WIF1: variants seen among roughly 807,000 people sequenced by gnomAD.
The protein encoded by WIF1 is Wnt inhibitory factor 1.
In WIF1, 35 loss-of-function variants were observed where a neutral mutation model predicts 53.5. That is an observed-to-expected ratio of 0.65 (90% CI 0.50 to 0.87). WIF1 has a LOEUF of 0.87. WIF1 is among the 40% of genes least tolerant of loss of function. The pLI is 0.00. For synonymous variants in WIF1, 171 were observed against 170.4 expected (o/e 1.00, Z -0.03); for missense variants, 467 against 476.8 (o/e 0.98, Z 0.19).
intron 2 of WIF1, among the ~76,000 whole-genome samples, chr12:65,079,965 G>C (rs1882923330): frequency 6.6e-6 from 1 of 152,038 alleles, no homozygotes; most frequent in Admixed American, 6.6e-5. Flanking sequence ...GACCCTACAA[G>C]CAATATAAAA....
intron 2 of WIF1, among the ~76,000 whole-genome samples, chr12:65,114,297 A>G (rs1345080366): frequency 2.0e-5 from 3 of 152,204 alleles, no homozygotes; most frequent in Admixed American, 2.0e-4. Flanking sequence ...TAATGGGACC[A>G]GTGTTACATC....
chr12:65,083,250 G>GA (rs1027017108), intron 2 of WIF1, among the ~76,000 whole-genome samples: 1 of 152,068 alleles, frequency 6.6e-6, no homozygotes, highest in African/African-American at 2.4e-5. Context: ...TGAAGGGCCA[G>GA]AAAAAATCTA....
intron 6 of WIF1, among the ~76,000 whole-genome samples, chr12:65,065,818 T>C (rs1882679159): frequency 6.6e-6 from 1 of 152,024 alleles, no homozygotes; most frequent in African/African-American, 2.4e-5. Context: ...CTGGGCAAAA[T>C]AAACAAGTCT....
At chr12:65,071,002 G>A (rs1203754870) in intron 3 of WIF1, among the ~76,000 whole-genome samples, 1 of 151,914 alleles carries the variant, frequency 6.6e-6, no homozygotes, top group Non-Finnish European at 1.5e-5. Flanking sequence ...TTGGGAGGCC[G>A]AGGCGGGTGC....
intron 2 of WIF1, among the ~76,000 whole-genome samples, chr12:65,108,457 A>C (rs1455595139): frequency 1.3e-5 from 2 of 152,216 alleles, no homozygotes; most frequent in African/African-American, 4.8e-5. Context: ...ATATGTATCC[A>C]GGAATTTCCA....
intron 2 of WIF1, among the ~76,000 whole-genome samples, chr12:65,100,446 T>TTTGGAGGA (rs1219304350): frequency 6.6e-6 from 1 of 152,066 alleles, no homozygotes. Context: ...GAAAGCTTCA[T>TTTGGAGGA]TTGGAGGATT....
intron 8 of WIF1, 117 bp downstream of exon 8, chr12:65,055,914 G>A (rs1592386116): frequency 1.2e-6 from 1 of 836,908 alleles, no homozygotes; most frequent in Non-Finnish European, 1.8e-6. Context: ...TGTCAGTGAA[G>A]AAAGGTTAAC....
intron 2 of WIF1, among the ~76,000 whole-genome samples, chr12:65,113,560 A>C (rs2136295145): frequency 6.6e-6 from 1 of 152,216 alleles, no homozygotes; most frequent in African/African-American, 2.4e-5. Flanking sequence ...GATGTGGCTT[A>C]CAAGGTACCT....
intron 4 of WIF1, among the ~76,000 whole-genome samples, chr12:65,068,144 T>C (rs1346371767): frequency 6.6e-6 from 1 of 152,094 alleles, no homozygotes; most frequent in Non-Finnish European, 1.5e-5. Context: ...AGATGACTTA[T>C]GGGTACATCT....
chr12:65,083,810 TCCTTTCCTCTCC>T (rs1565754656), intron 2 of WIF1: 1 of 357,890 alleles, frequency 2.8e-6, no homozygotes, highest in Non-Finnish European at 5.4e-6. Flanking sequence ...TCCTTTCCTT[TCCTTTCCTCTCC>T]TCTTTTCTCT....
intron 2 of WIF1, among the ~76,000 whole-genome samples, chr12:65,112,404 T>TCACACACACACACACA (rs758383148): frequency 0.011 from 1,308 of 123,478 alleles, 26 homozygotes; most frequent in African/African-American, 0.018. Flanking sequence ...CCTGCTCTAA[T>TCACACACACACACACA]CACACACACA....
At chr12:65,094,941 T>TTTAC (rs1461450338) in intron 2 of WIF1, among the ~76,000 whole-genome samples, 1 of 129,924 alleles carries the variant, frequency 7.7e-6, no homozygotes, top group East Asian at 2.0e-4. Context: ...TATTTATTTA[T>TTTAC]TTATTTATTT....
In WIF1 at chr12:65,051,174, G is replaced by T; in HGVS notation, c.*175C>A. On this transcript the variant is annotated 3_prime_UTR_variant, in exon 10 of 10. Coordinates refer to ENST00000286574, the MANE Select transcript of WIF1 (RefSeq NM_007191.5). ...AAATCTATACCATCATGCTACAGAC[G>T]TACTTAGAAAACTTAAAAGGAAGAG... 1 of 731,560 alleles carries T rather than the reference G, an allele frequency of 1.4e-6. No individual in the cohort carries two copies. Among genetic ancestry groups the T allele is most frequent in the Non-Finnish European group, 2.0e-6 (1 of 496,300 alleles). The allele number at this position is 731,560 out of a possible 1,614,324, so 45.3% of individuals were successfully genotyped here. A position where few individuals can be genotyped will look rare whatever the true frequency, so the allele number is the denominator to read the frequency against.
At chr12:65,080,419 G>A (rs1418386093) in intron 2 of WIF1, among the ~76,000 whole-genome samples, 1 of 152,156 alleles carries the variant, frequency 6.6e-6, no homozygotes, top group African/African-American at 2.4e-5. Context: ...GTCAGGAAAG[G>A]TAATTCAATT....
At chr12:65,074,414 G>T (rs1001800400) in intron 3 of WIF1, among the ~76,000 whole-genome samples, 1 of 151,756 alleles carries the variant, frequency 6.6e-6, no homozygotes, top group African/African-American at 2.4e-5. Flanking sequence ...CAGAAAAAAA[G>T]AAAAATATAA....
At chr12:65,064,369 A>C (rs1030282267) in intron 6 of WIF1, among the ~76,000 whole-genome samples, 1 of 152,230 alleles carries the variant, frequency 6.6e-6, no homozygotes, top group Admixed American at 6.5e-5. Context: ...AGCTAGAGAC[A>C]CGAAGTATCT....
intron 7 of WIF1, among the ~76,000 whole-genome samples, chr12:65,061,139 C>G (rs1882605415): frequency 6.6e-6 from 1 of 151,910 alleles, no homozygotes; most frequent in Admixed American, 6.6e-5. Context: ...GAAACCACAC[C>G]CAGACAATTA....
At position 65,056,141 on chromosome 12, in the gene WIF1, A is replaced by G; in HGVS notation, c.827-15T>C. The G allele has an allele frequency of 6.2e-7, 1 of 1,611,546 alleles. No homozygotes were observed. The highest frequency in any genetic ancestry group is 8.5e-7 in the Non-Finnish European group (1 of 1,178,160). On this transcript the variant is annotated splice_polypyrimidine_tract_variant and intron_variant, in intron 7 of 9. Transcript: ENST00000286574. ...TGGGCATTTGCCTGAAAAAGAGAAG[A>G]ATGCAGCTAAACAAGGAACCTGGTG...
At chr12:65,066,874 G>C in intron 5 of WIF1, 138 bp from the exon 6 acceptor site, 4 of 457,088 alleles carry the variant, frequency 8.8e-6, no homozygotes, top group Non-Finnish European at 1.5e-5. Context: ...AGAGATACAA[G>C]TTTGCTATAT....
Sources: allele counts gnomAD v4.1 joint callset (sites outside exome capture counted in the v4.1 genomes callset), GRCh38; gene constraint gnomAD v4.1.1; transcripts MANE v1.5; gene names NCBI Gene and HGNC (gene_info 2026-07-23, HGNC 2026-07-21).